The following STIM2 variants were observed in gnomAD, a reference collection of about 807,000 sequenced individuals.
The protein encoded by STIM2 is stromal interaction molecule 2.
A neutral mutation model predicts 85.8 loss-of-function variants in STIM2; 31 were observed. The observed-to-expected ratio is 0.36, with a 90% CI of 0.27 to 0.49. The LOEUF (loss-of-function observed/expected upper bound fraction) is 0.49, where lower values mean the gene tolerates loss of function less well. Among genes scored for constraint, STIM2 ranks in the 20% least tolerant of loss-of-function variants. STIM2 has a pLI of 0.98. For missense variants in STIM2, 841 were observed against 927.6 expected (o/e 0.91, Z 1.21); for synonymous variants, 356 against 331.1 (o/e 1.08, Z -0.82).
At chr4:26,989,379 A>C (rs1313102904) in intron 3 of STIM2, among the ~76,000 whole-genome samples, 1 of 152,242 alleles carries the variant, frequency 6.6e-6, no homozygotes, top group East Asian at 1.9e-4. Flanking sequence ...TCTTTTCAAT[A>C]GATGCTAAAA....
intron 8 of STIM2, 170 bp downstream of exon 8, chr4:27,007,870 T>A: frequency 1.3e-6 from 1 of 748,584 alleles, no homozygotes; most frequent in Non-Finnish European, 2.2e-6. Context: ...AGCTTTAAAT[T>A]AAAATTACTG....
intron 1 of STIM2, among the ~76,000 whole-genome samples, chr4:26,880,718 T>C (rs899668209): frequency 6.9e-6 from 1 of 144,058 alleles, no homozygotes; most frequent in Admixed American, 6.9e-5. Context: ...TAATTTTCTT[T>C]TTCCCGAGGA....
Position 26,959,793 on chromosome 4 carries a change from T to A in STIM2, c.397+2067T>A, listed in dbSNP as rs1035795653. ...TTTTCCCTAGGCTTTCACCTTAATCTGAGATCTAACCATTATGATAATGAG... is the reference window on the plus strand; with the variant it reads ...TTTTCCCTAGGCTTTCACCTTAATCAGAGATCTAACCATTATGATAATGAG... On this transcript the variant is annotated intron_variant, in intron 3 of 11. Coordinates refer to ENST00000467087, the MANE Select transcript of STIM2 (RefSeq NM_020860.4). Among the ~76,000 whole-genome samples, 9 of 152,212 alleles carry A rather than the reference T, an allele frequency of 5.9e-5. 1 individual carries two copies. The highest frequency in any genetic ancestry group is 3.4e-3 in the Middle Eastern group (1 of 294).
At chr4:26,952,398 A>G (rs573672044) in intron 2 of STIM2, among the ~76,000 whole-genome samples, 1 of 152,296 alleles carries the variant, frequency 6.6e-6, no homozygotes, top group Non-Finnish European at 1.5e-5. Context: ...ATCATACAGA[A>G]TATGTAAATC....
At chr4:26,908,784 ACAGT>A (rs1291222275) in intron 1 of STIM2, among the ~76,000 whole-genome samples, 5 of 152,140 alleles carry the variant, frequency 3.3e-5, no homozygotes, top group Non-Finnish European at 7.4e-5. Context: ...GCACCCGGCC[ACAGT>A]CATTGTTTTA....
chr4:26,984,755 T>C (rs927091386), intron 3 of STIM2, among the ~76,000 whole-genome samples: 5 of 152,214 alleles, frequency 3.3e-5, no homozygotes, highest in Non-Finnish European at 5.9e-5. Flanking sequence ...TCATTGATAA[T>C]AAGATTGGAG....
chr4:27,021,725 C>A (rs6853163), intron 11 of STIM2: 1 of 429,508 alleles, frequency 2.3e-6, no homozygotes, highest in Admixed American at 2.4e-5. Context: ...ATTAGGAAGC[C>A]GTTGCAATCA....
intron 1 of STIM2, among the ~76,000 whole-genome samples, chr4:26,870,161 T>TC (rs2109028043): frequency 6.6e-6 from 1 of 152,210 alleles, no homozygotes; most frequent in Admixed American, 6.5e-5. Flanking sequence ...TGTTGAAACT[T>TC]CAAGTACAAA....
At chr4:26,901,208 A>G (rs552272807) in intron 1 of STIM2, among the ~76,000 whole-genome samples, 1 of 152,300 alleles carries the variant, frequency 6.6e-6, no homozygotes, top group African/African-American at 2.4e-5. Flanking sequence ...ATTTTCAGTA[A>G]GTTTTAAAAA....
intron 2 of STIM2, among the ~76,000 whole-genome samples, chr4:26,941,806 A>G (rs920045158): frequency 6.6e-6 from 1 of 152,140 alleles, no homozygotes; most frequent in African/African-American, 2.4e-5. Flanking sequence ...TTAATGGCTT[A>G]AAGTTTTTTG....
intron 11 of STIM2, 30 bp downstream of exon 11, chr4:27,018,014 G>A (rs1728793391): frequency 1.2e-6 from 2 of 1,608,848 alleles, no homozygotes; most frequent in Admixed American, 1.7e-5. Flanking sequence ...TACAGGGCAT[G>A]TTGGGGCTGG....
Position 27,007,990 on chromosome 4 carries a change from C to T in STIM2, c.1149+290C>T, listed in dbSNP as rs1371729014. Reference sequence around the variant, plus strand: ...AGAGCTTTTTTCCTCTAGGTTGCTGCTTCATATCTGATTCAGGTTAGTAGT... The same window carrying T: ...AGAGCTTTTTTCCTCTAGGTTGCTGTTTCATATCTGATTCAGGTTAGTAGT... On this transcript the variant is annotated intron_variant, in intron 8 of 11. Transcript: ENST00000467087. 3 of 717,812 alleles carry T rather than the reference C, an allele frequency of 4.2e-6. No individual in the cohort carries two copies. The East Asian group carries it at 8.1e-5, about 19-fold the overall frequency. 44.5% of individuals were successfully genotyped at this position (717,812 alleles called of 1,614,324 possible).
chr4:26,965,193 G>T (rs576073682), intron 3 of STIM2, among the ~76,000 whole-genome samples: 179 of 152,258 alleles, frequency 1.2e-3, no homozygotes, highest in African/African-American at 4.1e-3. Flanking sequence ...TCTTGAGGTA[G>T]AGTGTAGTTT....
intron 3 of STIM2, among the ~76,000 whole-genome samples, chr4:26,959,310 C>T (rs890345415): frequency 6.6e-6 from 1 of 152,156 alleles, no homozygotes; most frequent in Non-Finnish European, 1.5e-5. Flanking sequence ...CAGGAATGCA[C>T]ACATCCTCAT....
chr4:26,914,248 A>C (rs1560205215), intron 1 of STIM2, among the ~76,000 whole-genome samples: 1 of 152,222 alleles, frequency 6.6e-6, no homozygotes, highest in Admixed American at 6.5e-5. Context: ...GCAAAGTGAA[A>C]TGTGTAACAC....
intron 1 of STIM2, among the ~76,000 whole-genome samples, chr4:26,900,231 GC>G (rs1358932030): frequency 6.6e-6 from 1 of 152,134 alleles, no homozygotes; most frequent in Non-Finnish European, 1.5e-5. Context: ...CAGTCTTCCT[GC>G]TTTCCAAAGC....
At chr4:26,933,710 G>C (rs1375021472) in intron 2 of STIM2, among the ~76,000 whole-genome samples, 3 of 139,474 alleles carry the variant, frequency 2.2e-5, no homozygotes, top group Non-Finnish European at 4.6e-5. Context: ...GACTAGCCTG[G>C]GCAGTATAAC....
chr4:26,923,028 T>A (rs894802723), intron 2 of STIM2, among the ~76,000 whole-genome samples: 8 of 151,868 alleles, frequency 5.3e-5, no homozygotes, highest in African/African-American at 1.9e-4. Context: ...GCTGGAGATC[T>A]GAGAACGGGC....
intron 1 of STIM2, among the ~76,000 whole-genome samples, chr4:26,899,238 T>G (rs1442327410): frequency 1.3e-5 from 2 of 152,072 alleles, no homozygotes; most frequent in African/African-American, 4.8e-5. Flanking sequence ...TATGTTAAAT[T>G]ATTTTCTAAT....
Sources: gnomAD v4.1 joint callset for allele counts (sites outside exome capture counted in the v4.1 genomes callset) on GRCh38, gnomAD v4.1.1 for gene constraint, MANE v1.5 for transcripts, NCBI Gene and HGNC (gene_info 2026-07-23, HGNC 2026-07-21) for gene names.